The following SLC22A24 variants were observed in gnomAD, a reference collection of about 807,000 sequenced individuals.
The protein encoded by SLC22A24 is solute carrier family 22 member 24.
Under a neutral mutation model 49.8 loss-of-function variants are expected in SLC22A24, and 53 were observed. The observed-to-expected ratio is 1.06, with a 90% CI of 0.85 to 1.34. SLC22A24 has a LOEUF of 1.34. Ranked by LOEUF, SLC22A24 falls within the 40% of genes most tolerant of loss-of-function variation. SLC22A24 has a pLI of 0.00. For missense variants in SLC22A24, 786 were observed against 675.9 expected, an observed-to-expected ratio of 1.16 and a Z score of -1.81; for synonymous variants, 302 against 256.4, an observed-to-expected ratio of 1.18 and a Z score of -1.70.
At chr11:63,092,173 T>C (rs1022855417) in intron 6 of SLC22A24, among the ~76,000 whole-genome samples, 2 of 151,732 alleles carry the variant, frequency 1.3e-5, no homozygotes, top group African/African-American at 4.8e-5. Context: ...CGGAATAAAA[T>C]GCCTAGGAAT....
chr11:63,104,077 C>G, intron 5 of SLC22A24, 98 bp downstream of exon 5: 1 of 1,265,352 alleles, frequency 7.9e-7, no homozygotes, highest in Non-Finnish European at 1.1e-6. Flanking sequence ...ACTCCACTCA[C>G]AGAAGTCTAA....
At chr11:63,138,302 G>C (rs559765717) in intron 1 of SLC22A24, among the ~76,000 whole-genome samples, 1 of 152,124 alleles carries the variant, frequency 6.6e-6, no homozygotes, top group Non-Finnish European at 1.5e-5. Context: ...TCATGTCATA[G>C]TCCTACAATT....
At chr11:63,142,381 C>T (rs1301727282) in intron 1 of SLC22A24, among the ~76,000 whole-genome samples, 5 of 152,082 alleles carry the variant, frequency 3.3e-5, no homozygotes, top group East Asian at 1.9e-4. Context: ...TGACTGAGAC[C>T]GTGAAAGAGA....
intron 4 of SLC22A24, chr11:63,116,092 G>A (rs17157809): frequency 0.019 from 7,220 of 385,872 alleles, 438 homozygotes; most frequent in African/African-American, 0.13. Context: ...GGGATCTTGA[G>A]CTTAACTTCC....
intron 1 of SLC22A24, among the ~76,000 whole-genome samples, chr11:63,140,207 G>A (rs1211893970): frequency 1.3e-5 from 2 of 150,680 alleles, no homozygotes; most frequent in African/African-American, 4.9e-5. Flanking sequence ...TCACCCTCCT[G>A]AGTAGCTGGG....
At chr11:63,093,093 C>T (rs939006878) in intron 6 of SLC22A24, among the ~76,000 whole-genome samples, 3 of 152,178 alleles carry the variant, frequency 2.0e-5, no homozygotes, top group African/African-American at 4.8e-5. Flanking sequence ...AAAAAAAGCT[C>T]ATCGTCACTG....
At chr11:63,139,725 C>A (rs1425906496) in intron 1 of SLC22A24, among the ~76,000 whole-genome samples, 4 of 152,164 alleles carry the variant, frequency 2.6e-5, no homozygotes, top group African/African-American at 4.8e-5. Flanking sequence ...ATCCAGGATC[C>A]AGTATAAAAT....
At position 63,081,567 on chromosome 11, in the gene SLC22A24, G is replaced by C; in HGVS notation, c.1385C>G (p.Thr462Ser). The C allele has an allele frequency of 6.5e-7, 1 of 1,549,822 alleles. No homozygotes were observed. Among genetic ancestry groups the C allele is most frequent in the Non-Finnish European group, 8.7e-7 (1 of 1,145,308 alleles). Residue 462 changes from threonine (T) to serine (S), a missense_variant, in exon 8 of 10, where the codon ACC becomes AGC. Thr to Ser is a moderately conservative substitution (Grantham distance 58). Transcript: ENST00000612278. ...TCTTTAGCTCTTGTACCTCAATATG[G>C]TGGGGACGAGCTCGTTGTGGTGGAC... ...ASVHHNELVP[T>S]ILRSTVAGIN...
rs985275390 is a variant in SLC22A24 at position 63,095,842 on chromosome 11, A to G, written c.1070+149T>C. 7 of 608,316 alleles carry G rather than the reference A, an allele frequency of 1.2e-5. No homozygotes were observed. The South Asian group carries it at 1.4e-4, about 13-fold the overall frequency. The allele number at this position is 608,316 out of a possible 1,614,324, so 37.7% of individuals were successfully genotyped here. ...TGTCATAATATTAGGCTATCTAAAA[A>G]TGTGGCACTTAGAGGCATACATTTG... On this transcript the variant is annotated intron_variant, in intron 6 of 9. Coordinates refer to ENST00000612278, the MANE Select transcript of SLC22A24 (RefSeq NM_001136506.2).
intron 1 of SLC22A24, among the ~76,000 whole-genome samples, chr11:63,136,288 C>T (rs1199940715): frequency 6.6e-6 from 1 of 152,168 alleles, no homozygotes; most frequent in Non-Finnish European, 1.5e-5. Flanking sequence ...TGTCGCTGGT[C>T]TGATCCACTA....
chr11:63,087,024 G>GCACACACACA (rs1555045310), intron 6 of SLC22A24, among the ~76,000 whole-genome samples: 5,035 of 132,516 alleles, frequency 0.038, 126 homozygotes, highest in Non-Finnish European at 0.048. Context: ...CCTGGAGGGC[G>GCACACACACA]CACACACACA....
chr11:63,086,806 T>C (rs1396550258), intron 6 of SLC22A24, among the ~76,000 whole-genome samples: 2 of 152,168 alleles, frequency 1.3e-5, no homozygotes, highest in East Asian at 3.8e-4. Context: ...ATTATGAATA[T>C]GCTAATTTGT....
chr11:63,094,238 A>G (rs2212461), intron 6 of SLC22A24, among the ~76,000 whole-genome samples: 74,778 of 148,468 alleles, frequency 0.5, 18,803 homozygotes, highest in Middle Eastern at 0.56. Flanking sequence ...GAGAACATGC[A>G]GTGTTTGGTT....
chr11:63,112,664 T>G (rs957822355), intron 4 of SLC22A24, among the ~76,000 whole-genome samples: 5 of 152,052 alleles, frequency 3.3e-5, no homozygotes, highest in African/African-American at 1.2e-4. Context: ...AGATTTTGAA[T>G]TTGTTTGCTC....
In SLC22A24 at chr11:63,143,586, C is replaced by T. The variant is rs756479686; in HGVS notation, c.194G>A (p.Gly65Glu). 1.3e-6 allele frequency: 2 copies of T among 1,569,268 alleles called. No homozygotes were observed. The highest frequency in any genetic ancestry group is 1.7e-6 in the Non-Finnish European group (2 of 1,158,730). Reference sequence around the variant, plus strand: ...CAGGAGGTCATCCTTGCTGAGGGTCCCGGTATCATTGTCAGACACAGTGTC... The same window carrying T: ...CAGGAGGTCATCCTTGCTGAGGGTCTCGGTATCATTGTCAGACACAGTGTC... ...DNDTVSDNDT[G>E]TLSKDDLLRI... Residue 65 changes from glycine (G) to glutamate (E), a missense_variant, in exon 1 of 10, where the codon GGG (glycine) becomes GAG (glutamate). By Grantham distance (98) the Gly-to-Glu change is moderately conservative (BLOSUM62 -2). Coordinates refer to ENST00000612278, the MANE Select transcript of SLC22A24 (RefSeq NM_001136506.2).
At chr11:63,080,072 A>G (rs1251785567) in intron 9 of SLC22A24, 72 bp from the exon 10 acceptor site, 5 of 1,018,158 alleles carry the variant, frequency 4.9e-6, no homozygotes, top group East Asian at 2.6e-5. Flanking sequence ...TTAAGCATAT[A>G]TATACTGTGT....
chr11:63,096,732 G>T (rs1311623904), intron 5 of SLC22A24, among the ~76,000 whole-genome samples: 10 of 152,158 alleles, frequency 6.6e-5, no homozygotes, highest in Admixed American at 5.2e-4. Context: ...AAAAGTTGGG[G>T]ATGTGTTGGT....
chr11:63,097,794 T>C (rs1445516641), intron 5 of SLC22A24, among the ~76,000 whole-genome samples: 5 of 152,048 alleles, frequency 3.3e-5, no homozygotes, highest in Non-Finnish European at 5.9e-5. Context: ...CTGGAAACCA[T>C]CATTTTCAGC....
chr11:63,083,505 C>T (rs1254782435), intron 6 of SLC22A24, 48 bp from the exon 7 acceptor site: 2 of 1,429,834 alleles, frequency 1.4e-6, no homozygotes, highest in East Asian at 2.5e-5. Context: ...GATTTAAAGC[C>T]TAGGAAACAT....
Sources: gnomAD v4.1 joint callset for allele counts (sites outside exome capture counted in the v4.1 genomes callset) on GRCh38, gnomAD v4.1.1 for gene constraint, MANE v1.5 for transcripts, NCBI Gene and HGNC (gene_info 2026-07-23, HGNC 2026-07-21) for gene names.